The following MMP16 variants were observed in gnomAD, a reference collection of about 807,000 sequenced individuals.
MMP16 encodes the protein matrix metallopeptidase 16, also known as matrix metalloproteinase-16.
In MMP16, 12 loss-of-function variants were observed where a neutral mutation model predicts 67.8. The ratio of observed to expected loss-of-function variants is 0.18; its 90% CI spans 0.11 to 0.29. The LOEUF (loss-of-function observed/expected upper bound fraction) is 0.29. Ranked by LOEUF, MMP16 falls within the 10% of genes least tolerant of loss-of-function variation. The probability of loss-of-function intolerance (pLI) is 1.00; values close to 1 mark genes in which losing one functional copy is unlikely to be tolerated. For synonymous variants in MMP16, 249 were observed against 255.9 expected (o/e 0.97, Z 0.26); for missense variants, 475 against 765.7 (o/e 0.62, Z 4.48).
chr8:88,257,023 C>T (rs1413899104), intron 1 of MMP16, among the ~76,000 whole-genome samples: 2 of 152,152 alleles, frequency 1.3e-5, no homozygotes, highest in Non-Finnish European at 2.9e-5. Context: ...TTTTCTCAGC[C>T]TCTAGTGTTT....
chr8:88,322,677 A>G (rs528785065), intron 1 of MMP16, among the ~76,000 whole-genome samples: 2 of 152,112 alleles, frequency 1.3e-5, no homozygotes, highest in African/African-American at 2.4e-5. Context: ...AAAATTAAAA[A>G]AAAAAAAAGA....
chr8:88,180,598 T>G (rs1315855196), intron 3 of MMP16, among the ~76,000 whole-genome samples: 1 of 152,072 alleles, frequency 6.6e-6, no homozygotes, highest in East Asian at 1.9e-4. Flanking sequence ...ATACTTAATG[T>G]GCAAGTGCCT....
At chr8:88,193,209 G>A (rs2129771667) in intron 2 of MMP16, among the ~76,000 whole-genome samples, 1 of 152,196 alleles carries the variant, frequency 6.6e-6, no homozygotes, top group Middle Eastern at 3.4e-3. Flanking sequence ...ATACACAATG[G>A]AATATTATTC....
At chr8:88,105,341 T>C (rs1809219190) in intron 6 of MMP16, among the ~76,000 whole-genome samples, 1 of 151,496 alleles carries the variant, frequency 6.6e-6, no homozygotes, top group South Asian at 2.1e-4. Flanking sequence ...TTATCATATA[T>C]GGGGTTAGTA....
chr8:88,160,660 T>C (rs1203046817), intron 4 of MMP16, among the ~76,000 whole-genome samples: 1 of 151,984 alleles, frequency 6.6e-6, no homozygotes, highest in Non-Finnish European at 1.5e-5. Context: ...TGTGGAGAAA[T>C]AGGAACACTT....
chr8:88,290,062 A>T (rs1333778125), intron 1 of MMP16, among the ~76,000 whole-genome samples: 2 of 152,156 alleles, frequency 1.3e-5, no homozygotes, highest in African/African-American at 2.4e-5. Flanking sequence ...CATATCCATA[A>T]ATGACCAGGA....
In MMP16 at chr8:88,251,008, A is replaced by G. The variant is rs548730536; in HGVS notation, c.133-53702T>C. On this transcript the variant is annotated intron_variant, in intron 1 of 9. Coordinates refer to ENST00000286614, the MANE Select transcript of MMP16 (RefSeq NM_005941.5). The stretch of plus-strand genomic sequence containing the variant: ...TGATCTCATTGTTCAATTCCCACCT[A>G]TGAGTGAGAATATGCGGTGTTTGGT... Among the ~76,000 whole-genome samples the G allele has an allele frequency of 3.6e-3, 525 of 144,802 alleles. 5 individuals carry two copies. Among genetic ancestry groups the G allele is most frequent in the African/African-American group, 0.013 (498 of 38,830 alleles). 95.0% of individuals were successfully genotyped at this position (144,802 alleles called of 152,430 possible).
At chr8:88,147,976 T>G in intron 4 of MMP16, among the ~76,000 whole-genome samples, 1 of 152,208 alleles carries the variant, frequency 6.6e-6, no homozygotes, top group East Asian at 1.9e-4. Flanking sequence ...TGTACTATTT[T>G]CCGTATCTCC....
At chr8:88,107,819 T>A (rs1445703040) in intron 6 of MMP16, among the ~76,000 whole-genome samples, 3 of 151,144 alleles carry the variant, frequency 2.0e-5, no homozygotes, top group East Asian at 3.9e-4. Context: ...TAAATACACT[T>A]GTTGAGTAAA....
At chr8:88,184,563 GAAAAAAAAAAAAAAAAA>G (rs59310737) in intron 3 of MMP16, among the ~76,000 whole-genome samples, 1 of 10,930 alleles carries the variant, frequency 9.1e-5, no homozygotes, top group African/African-American at 5.3e-4. Flanking sequence ...CTCTCTCTCT[GAAAAAAAAAAAAAAAAA>G]AAAAAAAAAA....
chr8:88,320,225 A>ATT (rs1811437658), intron 1 of MMP16, among the ~76,000 whole-genome samples: 1 of 152,214 alleles, frequency 6.6e-6, no homozygotes, highest in South Asian at 2.1e-4. Flanking sequence ...ATTGAAAAGT[A>ATT]TTTATTCAAT....
At chr8:88,264,033 CATAT>C (rs150086100) in intron 1 of MMP16, among the ~76,000 whole-genome samples, 1,536 of 134,460 alleles carry the variant, frequency 0.011, 19 homozygotes, top group Middle Eastern at 0.035. Context: ...AAAAATGGCA[CATAT>C]ATATATATAT....
intron 4 of MMP16, among the ~76,000 whole-genome samples, chr8:88,145,431 C>A (rs77700962): frequency 0.016 from 2,417 of 151,878 alleles, 29 homozygotes; most frequent in South Asian, 0.032. Context: ...TTATGTGTCA[C>A]ATGACTATAT....
chr8:88,241,371 G>A (rs1349130626), intron 1 of MMP16, among the ~76,000 whole-genome samples: 1 of 151,860 alleles, frequency 6.6e-6, no homozygotes, highest in Non-Finnish European at 1.5e-5. Flanking sequence ...TCAGAAATAT[G>A]CATGGAAGTT....
intron 4 of MMP16, among the ~76,000 whole-genome samples, chr8:88,124,727 CATAACAAA>C (rs1807897417): frequency 6.6e-6 from 1 of 151,862 alleles, no homozygotes; most frequent in African/African-American, 2.4e-5. Context: ...TCCTGGATGC[CATAACAAA>C]ATACCACATA....
intron 7 of MMP16, among the ~76,000 whole-genome samples, chr8:88,059,839 A>AT (rs1256277008): frequency 6.6e-6 from 1 of 152,002 alleles, no homozygotes; most frequent in Non-Finnish European, 1.5e-5. Context: ...ACACCGAGAG[A>AT]TTTTCCCTCT....
At chr8:88,062,756 T>G (rs1484898887) in intron 7 of MMP16, among the ~76,000 whole-genome samples, 2 of 151,990 alleles carry the variant, frequency 1.3e-5, no homozygotes, top group Non-Finnish European at 2.9e-5. Context: ...AGTATACATA[T>G]GTAACAAACC....
chr8:88,314,867 T>C (rs558375699), intron 1 of MMP16, among the ~76,000 whole-genome samples: 7 of 152,290 alleles, frequency 4.6e-5, no homozygotes, highest in African/African-American at 1.4e-4. Context: ...TTCTCTCCAT[T>C]ATTCTGAATG....
chr8:88,177,818 A>G (rs1489738005), intron 3 of MMP16, among the ~76,000 whole-genome samples: 1 of 152,074 alleles, frequency 6.6e-6, no homozygotes, highest in African/African-American at 2.4e-5. Context: ...ACTCAGACCC[A>G]CTCAAAAGGA....
Sources: allele counts gnomAD v4.1 joint callset (sites outside exome capture counted in the v4.1 genomes callset), GRCh38; gene constraint gnomAD v4.1.1; transcripts MANE v1.5; gene names NCBI Gene and HGNC (gene_info 2026-07-23, HGNC 2026-07-21).